The following GRIP1 variants were observed in gnomAD, a reference collection of about 807,000 sequenced individuals.
GRIP1 encodes glutamate receptor-interacting protein 1.
In GRIP1, 45 loss-of-function variants were observed where a neutral mutation model predicts 129.9. That is an observed-to-expected ratio of 0.35 (90% CI 0.27 to 0.44). The LOEUF (loss-of-function observed/expected upper bound fraction) is 0.44, where lower values mean the gene tolerates loss of function less well. Among genes scored for constraint, GRIP1 ranks in the 20% least tolerant of loss-of-function variants. GRIP1 has a pLI of 1.00. For synonymous variants in GRIP1, 530 were observed against 520.8 expected (o/e 1.02, Z -0.24); for missense variants, 1,196 against 1,396.8 (o/e 0.86, Z 2.29).
intron 1 of GRIP1, among the ~76,000 whole-genome samples, chr12:66,623,111 G>A (rs865838667): frequency 1.2e-4 from 18 of 152,098 alleles, no homozygotes; most frequent in Admixed American, 1.3e-4. Context: ...ATGAATGAAT[G>A]AACCAGACTA....
At chr12:66,973,152 C>G (rs1336621153) in intron 1 of GRIP1, among the ~76,000 whole-genome samples, 1 of 152,080 alleles carries the variant, frequency 6.6e-6, no homozygotes, top group Non-Finnish European at 1.5e-5. Context: ...TCTATAAACA[C>G]AGTAACATGT....
chr12:67,002,313 GC>G (rs1366399062), intron 1 of GRIP1, among the ~76,000 whole-genome samples: 1 of 152,132 alleles, frequency 6.6e-6, no homozygotes, highest in African/African-American at 2.4e-5. Flanking sequence ...ATTTGAATTG[GC>G]AAATCTTCAT....
intron 1 of GRIP1, among the ~76,000 whole-genome samples, chr12:66,940,013 T>C (rs2137442538): frequency 6.6e-6 from 1 of 152,320 alleles, no homozygotes; most frequent in Non-Finnish European, 1.5e-5. Context: ...GTATAGTTAA[T>C]TTCTAAAAGG....
chr12:66,544,949 TG>T (rs569973922), intron 2 of GRIP1, among the ~76,000 whole-genome samples: 19 of 152,312 alleles, frequency 1.2e-4, no homozygotes, highest in Non-Finnish European at 2.2e-4. Flanking sequence ...GAACAAACAC[TG>T]TGGTAAAACA....
chr12:67,014,388 A>G (rs1395275761), intron 1 of GRIP1, among the ~76,000 whole-genome samples: 1 of 152,194 alleles, frequency 6.6e-6, no homozygotes, highest in African/African-American at 2.4e-5. Flanking sequence ...GGCAGTTAGG[A>G]GAAACCAAAG....
At chr12:66,406,535 G>A in intron 15 of GRIP1, 107 bp from the exon 16 acceptor site, 2 of 1,096,454 alleles carry the variant, frequency 1.8e-6, no homozygotes, top group Non-Finnish European at 2.8e-6. Context: ...TAGAGGAAAA[G>A]AGGTTCAACT....
chr12:66,488,721 A>G (rs2060024659), intron 7 of GRIP1, among the ~76,000 whole-genome samples: 1 of 143,634 alleles, frequency 7.0e-6, no homozygotes, highest in African/African-American at 2.6e-5. Flanking sequence ...ATAGACCACT[A>G]GCTAGATTAA....
intron 1 of GRIP1, among the ~76,000 whole-genome samples, chr12:66,716,949 C>T (rs1436651798): frequency 6.6e-6 from 1 of 152,066 alleles, no homozygotes; most frequent in Non-Finnish European, 1.5e-5. Context: ...CTTCTCATAA[C>T]CAAACACAGC....
chr12:66,349,092 T>G lies in GRIP1; in HGVS notation c.3314A>C (p.Gln1105Pro). ...QQSLPGDWSE[Q>P]NSAFFQQPSH... ...AGGCTGCTGGAAAAAAGCACTGTTC[T>G]GTTCACTCCAATCTCCTGGTAGACT... Residue 1105 changes from glutamine to proline, a missense_variant, in exon 25 of 25, where the codon CAG becomes CCG. Physicochemically the swap from Gln to Pro is moderately conservative, Grantham distance 76 (BLOSUM62 -1). Around this residue, in one of 5 missense-constraint regions of GRIP1, gnomAD observed 427 missense variants for 463.3 expected, o/e 0.92. Transcript: ENST00000359742. The G allele has an allele frequency of 5.6e-6, 9 of 1,614,150 alleles. No individual in the cohort carries two copies. Among genetic ancestry groups the G allele is most frequent in the Non-Finnish European group, 6.8e-6 (8 of 1,179,976 alleles).
At chr12:67,053,945 A>G (rs1374556196) in intron 1 of GRIP1, among the ~76,000 whole-genome samples, 6 of 152,246 alleles carry the variant, frequency 3.9e-5, no homozygotes, top group Admixed American at 2.0e-4. Context: ...TTGAAAATTT[A>G]GACATTAAAA....
chr12:66,975,349 T>A (rs572839956), intron 1 of GRIP1, among the ~76,000 whole-genome samples: 1 of 152,324 alleles, frequency 6.6e-6, no homozygotes, highest in East Asian at 1.9e-4. Flanking sequence ...TCAGTTTCCA[T>A]CAGTGGCTAG....
At chr12:67,035,603 C>T (rs1490816657) in intron 1 of GRIP1, 3 of 152,078 alleles carry the variant, frequency 2.0e-5, no homozygotes, top group Admixed American at 6.6e-5. Context: ...AATAAGTGCT[C>T]ATGATGCGTT....
intron 1 of GRIP1, among the ~76,000 whole-genome samples, chr12:66,720,500 A>G (rs11176398): frequency 0.027 from 4,117 of 152,298 alleles, 208 homozygotes; most frequent in African/African-American, 0.095. Context: ...TGTAGCATGC[A>G]ATGATAGTAT....
chr12:66,519,274 G>T (rs2060933996), intron 5 of GRIP1, among the ~76,000 whole-genome samples: 1 of 152,164 alleles, frequency 6.6e-6, no homozygotes, highest in Non-Finnish European at 1.5e-5. Context: ...CTTGCATTGT[G>T]TTTAGCTTCT....
intron 2 of GRIP1, among the ~76,000 whole-genome samples, chr12:66,548,332 T>C (rs1161750046): frequency 1.3e-5 from 2 of 152,210 alleles, no homozygotes; most frequent in African/African-American, 4.8e-5. Context: ...GTTTAGAAAC[T>C]TCTGCCCTAG....
chr12:66,802,763 C>T (rs1341088369), intron 1 of GRIP1, among the ~76,000 whole-genome samples: 1 of 152,118 alleles, frequency 6.6e-6, no homozygotes, highest in Non-Finnish European at 1.5e-5. Context: ...TTCAGAATTA[C>T]ACATGCAATC....
intron 2 of GRIP1, among the ~76,000 whole-genome samples, chr12:66,585,869 T>C (rs1438209582): frequency 6.6e-6 from 1 of 152,156 alleles, no homozygotes; most frequent in Non-Finnish European, 1.5e-5. Context: ...ATGAGCATTT[T>C]TTCATGTGTT....
intron 2 of GRIP1, among the ~76,000 whole-genome samples, chr12:66,561,712 T>C (rs1167626358): frequency 1.3e-5 from 2 of 152,060 alleles, no homozygotes; most frequent in African/African-American, 4.8e-5. Flanking sequence ...ATGAGAGAAC[T>C]GAAGTATATG....
At chr12:67,037,547 T>C (rs1374286811) in intron 1 of GRIP1, 3 of 152,066 alleles carry the variant, frequency 2.0e-5, no homozygotes, top group Non-Finnish European at 2.9e-5. Context: ...TAGAACTTTA[T>C]AGCATTTTGA....
Sources: allele counts gnomAD v4.1 joint callset (sites outside exome capture counted in the v4.1 genomes callset), GRCh38; gene constraint gnomAD v4.1.1; regional missense constraint gnomAD v4.1.1; transcripts MANE v1.5; gene names NCBI Gene and HGNC (gene_info 2026-07-23, HGNC 2026-07-21).